The following SOCS7 variants were observed in gnomAD, a reference collection of about 807,000 sequenced individuals.
The protein encoded by SOCS7 is NAP-4.
Under a neutral mutation model 58.9 loss-of-function variants are expected in SOCS7, and 18 were observed. The ratio of observed to expected loss-of-function variants is 0.31; its 90% confidence interval spans 0.21 to 0.45. The LOEUF (loss-of-function observed/expected upper bound fraction) is 0.45. Among genes scored for constraint, SOCS7 ranks in the 20% least tolerant of loss-of-function variants. SOCS7 has a pLI of 1.00. For synonymous variants in SOCS7, 388 were observed against 364.3 expected (o/e 1.06, Z -0.74); for missense variants, 667 against 837.3 (o/e 0.80, Z 2.51).
intron 7 of SOCS7, among the ~76,000 whole-genome samples, chr17:38,384,215 C>G (rs1346279836): frequency 6.6e-6 from 1 of 152,232 alleles, no homozygotes; most frequent in Non-Finnish European, 1.5e-5. Context: ...GCCCCAGCAA[C>G]CATCAGCCCA....
chr17:38,387,127 ATGTATG>A (rs1227915612), intron 7 of SOCS7, among the ~76,000 whole-genome samples: 24 of 93,502 alleles, frequency 2.6e-4, no homozygotes, highest in African/African-American at 1.1e-3. Context: ...ATATATATAT[ATGTATG>A]TATATATATA....
chr17:38,360,031 G>A (rs963682499), intron 1 of SOCS7, among the ~76,000 whole-genome samples: 11 of 151,938 alleles, frequency 7.2e-5, no homozygotes, highest in African/African-American at 2.7e-4. Context: ...GCCCACCTCA[G>A]CCTCTCAAAG....
intron 6 of SOCS7, among the ~76,000 whole-genome samples, chr17:38,377,484 A>G (rs1360633743): frequency 6.6e-6 from 1 of 152,186 alleles, no homozygotes; most frequent in Non-Finnish European, 1.5e-5. Context: ...CTTAGCTTGT[A>G]TTTACTTAAC....
At position 38,377,855 on chromosome 17, in the gene SOCS7, T is replaced by G. The variant is rs776516873; in HGVS notation, c.1681+13T>G. Reference sequence around the variant, plus strand: ...TCCAGGGTTCCAGGTAAGGCTGTACTTCTGTTAATTATTTAACTTAAGTTG... The same window carrying G: ...TCCAGGGTTCCAGGTAAGGCTGTACGTCTGTTAATTATTTAACTTAAGTTG... On this transcript the variant is annotated intron_variant, in intron 7 of 9. Transcript: ENST00000612932. 1.9e-6 allele frequency: 3 copies of G among 1,606,796 alleles called. No homozygotes were observed. The highest frequency in any genetic ancestry group is 1.1e-5 in the South Asian group (1 of 89,406).
At chr17:38,354,514 G>C (rs3935220) in intron 1 of SOCS7, among the ~76,000 whole-genome samples, 30,607 of 152,166 alleles carry the variant, frequency 0.2, 4,845 homozygotes, top group African/African-American at 0.44. Context: ...TCTTGGGGAT[G>C]AGGCCAAATC....
At chr17:38,357,079 T>C (rs955925864) in intron 1 of SOCS7, among the ~76,000 whole-genome samples, 4 of 152,192 alleles carry the variant, frequency 2.6e-5, no homozygotes, top group African/African-American at 9.7e-5. Context: ...CTGTAGTGGT[T>C]TCCTATCTAT....
chr17:38,393,178 G>A (rs1027270275), intron 7 of SOCS7, among the ~76,000 whole-genome samples: 1 of 151,988 alleles, frequency 6.6e-6, no homozygotes, highest in Non-Finnish European at 1.5e-5. Flanking sequence ...CCCAGCCTGA[G>A]TTAAATGTTT....
At chr17:38,357,512 C>G (rs1330256231) in intron 1 of SOCS7, among the ~76,000 whole-genome samples, 1 of 152,220 alleles carries the variant, frequency 6.6e-6, no homozygotes, top group Admixed American at 6.5e-5. Flanking sequence ...TTGGACCATG[C>G]CTCTTGGCTT....
At chr17:38,360,695 A>G (rs1555567453) in intron 1 of SOCS7, among the ~76,000 whole-genome samples, 1 of 151,436 alleles carries the variant, frequency 6.6e-6, no homozygotes, top group African/African-American at 2.4e-5. Context: ...ACCCGCCACC[A>G]CACCCGGCTA....
intron 4 of SOCS7, 158 bp downstream of exon 4, chr17:38,365,567 C>T (rs1039456835): frequency 3.2e-5 from 15 of 472,446 alleles, no homozygotes; most frequent in East Asian, 6.9e-5. Flanking sequence ...AGAAATGAGG[C>T]GGAGAACTGG....
chr17:38,355,132 T>C (rs1045835043), intron 1 of SOCS7, among the ~76,000 whole-genome samples: 9 of 152,180 alleles, frequency 5.9e-5, no homozygotes, highest in African/African-American at 2.2e-4. Flanking sequence ...GACTGCTGTT[T>C]GGAGGCAGCA....
intron 7 of SOCS7, among the ~76,000 whole-genome samples, chr17:38,380,368 C>T (rs541093151): frequency 1.3e-5 from 2 of 152,106 alleles, no homozygotes; most frequent in African/African-American, 2.4e-5. Flanking sequence ...CGGTGGCTCA[C>T]GCCTGTAATC....
chr17:38,390,743 C>T (rs1180776078), intron 7 of SOCS7, among the ~76,000 whole-genome samples: 1 of 140,282 alleles, frequency 7.1e-6, no homozygotes, highest in Non-Finnish European at 1.5e-5. Context: ...GTCACCCAGT[C>T]TGGAGTGCAG....
Position 38,351,958 on chromosome 17 carries a change from C to T in SOCS7, c.-95C>T, listed in dbSNP as rs1206068642. Among the ~76,000 whole-genome samples the T allele has an allele frequency of 1.3e-5, 2 of 151,266 alleles. No individual in the cohort carries two copies. Among genetic ancestry groups the T allele is most frequent in the Admixed American group, 6.6e-5 (1 of 15,180 alleles). ...GCCGCGGCGGCCGTTAGCGCTGTCG[C>T]TCCGGGGGCCGCGGCGGGCGGGGCT... is the stretch of plus-strand genomic sequence containing the variant. On this transcript the variant is annotated 5_prime_UTR_variant, in exon 1 of 10. Transcript: ENST00000612932.
chr17:38,377,938 T>C (rs80189858), intron 7 of SOCS7, 96 bp downstream of exon 7: 3 of 1,203,860 alleles, frequency 2.5e-6, no homozygotes, highest in Non-Finnish European at 3.5e-6. Flanking sequence ...ATGGTTAAGC[T>C]TTTTTTCCCT....
intron 1 of SOCS7, among the ~76,000 whole-genome samples, chr17:38,360,346 G>A (rs2037700145): frequency 1.3e-5 from 2 of 150,656 alleles, no homozygotes; most frequent in Admixed American, 6.6e-5. Context: ...ACAGGTGCAT[G>A]CCACCATGCC....
chr17:38,359,644 T>C (rs587674691), intron 1 of SOCS7, among the ~76,000 whole-genome samples: 96 of 152,094 alleles, frequency 6.3e-4, no homozygotes, highest in African/African-American at 2.3e-3. Context: ...ATTTAGACCT[T>C]TGGGTAAGAG....
chr17:38,395,187 C>T, intron 7 of SOCS7, 122 bp from the exon 8 acceptor site: 1 of 945,278 alleles, frequency 1.1e-6, no homozygotes, highest in East Asian at 2.6e-5. Context: ...GGCTTTTGCA[C>T]AGAATACATA....
At chr17:38,389,906 TAGAGAGAGAG>T (rs772399580) in intron 7 of SOCS7, among the ~76,000 whole-genome samples, 2 of 103,472 alleles carry the variant, frequency 1.9e-5, no homozygotes, top group African/African-American at 4.7e-5. Flanking sequence ...TATACACATA[TAGAGAGAGAG>T]AGAGAGAGAG....
Sources: gnomAD v4.1 joint callset for allele counts (sites outside exome capture counted in the v4.1 genomes callset) on GRCh38, gnomAD v4.1.1 for gene constraint, MANE v1.5 for transcripts, NCBI Gene and HGNC (gene_info 2026-07-23, HGNC 2026-07-21) for gene names.